DENND2B: variants seen among roughly 807,000 people sequenced by gnomAD.
The protein encoded by DENND2B is DENN domain-containing protein 2B.
Under a neutral mutation model 116.0 loss-of-function variants are expected in DENND2B, and 32 were observed. The ratio of observed to expected loss-of-function variants is 0.28; its 90% CI spans 0.21 to 0.37. DENND2B has a LOEUF of 0.37. Among genes scored for constraint, DENND2B ranks in the 10% least tolerant of loss-of-function variants. DENND2B has a pLI of 1.00. For synonymous variants in DENND2B, 588 were observed against 583.9 expected, an observed-to-expected ratio of 1.01 and a Z score of -0.10; for missense variants, 1,276 against 1,477.7, an observed-to-expected ratio of 0.86 and a Z score of 2.24.
At chr11:8,896,382 G>A (rs555491100) in intron 1 of DENND2B, among the ~76,000 whole-genome samples, 4 of 152,256 alleles carry the variant, frequency 2.6e-5, no homozygotes, top group African/African-American at 9.6e-5. Flanking sequence ...ATATAAAATT[G>A]GAAGGGAACA....
chr11:8,722,129 C>A (rs374909093), intron 4 of DENND2B, among the ~76,000 whole-genome samples: 1 of 152,234 alleles, frequency 6.6e-6, no homozygotes, highest in Non-Finnish European at 1.5e-5. Flanking sequence ...TTTCCGAACT[C>A]CTTTTCTGCA....
intron 3 of DENND2B, among the ~76,000 whole-genome samples, chr11:8,727,964 AACACACACACACACACAC>A (rs55688240): frequency 0.29 from 39,547 of 138,592 alleles, 6,530 homozygotes; most frequent in East Asian, 0.36. Context: ...ATTTTACACA[AACACACACACACACACAC>A]ACACACACAC....
rs185554715 is a variant in DENND2B, at chr11:8,847,092, A to C, written c.-155-7742T>G. ...TTCATAGTCTTTGGCTTAGGGCTTC[A>C]CACTTGCTAACCACTCAGTGAAACT... On this transcript the variant is annotated intron_variant, in intron 3 of 6. Coordinates refer to the DENND2B transcript ENST00000524757. Among the ~76,000 whole-genome samples, 22 of 152,334 alleles carry C rather than the reference A, an allele frequency of 1.4e-4. 1 individual carries two copies. In the East Asian group the frequency reaches 3.9e-3, roughly 27 times the overall value.
intron 2 of DENND2B, among the ~76,000 whole-genome samples, chr11:8,862,499 T>C (rs1413535530): frequency 2.0e-5 from 3 of 151,698 alleles, no homozygotes; most frequent in African/African-American, 4.8e-5. Flanking sequence ...TGTGCCTGGC[T>C]AATTTTTCTA....
At chr11:8,773,165 T>G (rs2057176028) in intron 1 of DENND2B, among the ~76,000 whole-genome samples, 1 of 151,948 alleles carries the variant, frequency 6.6e-6, no homozygotes, top group African/African-American at 2.4e-5. Flanking sequence ...CCAAGAAGAC[T>G]GCAGACCCCT....
chr11:8,804,961 G>T lies in DENND2B; in HGVS notation c.-26+5556C>A, dbSNP rs188503779. On this transcript the variant is annotated intron_variant, in intron 1 of 19. Transcript: ENST00000313726. ...GCTGTAAGTTGATAATAATATACTGGAAAGCATTGGACATTTACTATGTAC... is the reference window on the plus strand; with the variant it reads ...GCTGTAAGTTGATAATAATATACTGTAAAGCATTGGACATTTACTATGTAC... Among the ~76,000 whole-genome samples, 38 of 152,258 alleles carry T rather than the reference G, an allele frequency of 2.5e-4. No individual in the cohort carries two copies. The East Asian group carries it at 6.9e-3, about 28-fold the overall frequency.
intron 2 of DENND2B, among the ~76,000 whole-genome samples, chr11:8,739,621 G>A (rs2049827907): frequency 6.6e-6 from 1 of 152,268 alleles, no homozygotes; most frequent in African/African-American, 2.4e-5. Context: ...GTAGAACTGG[G>A]CACTTGTGCC....
chr11:8,708,991 A>G (rs1450971608), intron 11 of DENND2B, among the ~76,000 whole-genome samples: 2 of 150,314 alleles, frequency 1.3e-5, no homozygotes, highest in African/African-American at 4.9e-5. Flanking sequence ...AAGGGGAGAC[A>G]TGCACTGAGA....
intron 17 of DENND2B, 135 bp from the exon 18 acceptor site, chr11:8,696,801 G>A (rs542544868): frequency 1.4e-6 from 2 of 1,385,746 alleles, no homozygotes; most frequent in African/African-American, 2.9e-5. Context: ...AGCTCTTTTT[G>A]AGACCGAGTT....
At position 8,702,880 on chromosome 11, in the gene DENND2B, G is replaced by A. The variant is rs2045382257; in HGVS notation, c.2572-160C>T. On this transcript the variant is annotated intron_variant, in intron 13 of 19. Transcript: ENST00000313726. This position sits in a 1 kb window ranked among gnomAD's most constrained non-coding sequence, Gnocchi z 4.6. ...AGTAAACCCCTCTTCTCCATCCCTC[G>A]GACTACAGCTCTGCTCTCGTAGCAC... The A allele has an allele frequency of 2.3e-6, 2 of 860,226 alleles. No homozygotes were observed. The highest frequency in any genetic ancestry group is 3.5e-6 in the Non-Finnish European group (2 of 573,676). 53.3% of individuals were successfully genotyped at this position (860,226 alleles called of 1,614,324 possible).
At chr11:8,721,745 T>G (rs2046231966) in intron 4 of DENND2B, among the ~76,000 whole-genome samples, 1 of 152,316 alleles carries the variant, frequency 6.6e-6, no homozygotes, top group African/African-American at 2.4e-5. Context: ...TCCATCCCAG[T>G]GGGTGCCCTC....
At chr11:8,897,102 TAA>T (rs397732070) in intron 1 of DENND2B, among the ~76,000 whole-genome samples, 1 of 150,336 alleles carries the variant, frequency 6.7e-6, no homozygotes, top group Non-Finnish European at 1.5e-5. Context: ...TTTTTTTTTT[TAA>T]AAACTAGCCA....
chr11:8,757,025 G>A (rs1211322380), intron 1 of DENND2B: 1 of 456,282 alleles, frequency 2.2e-6, no homozygotes, highest in Non-Finnish European at 4.4e-6. Flanking sequence ...ACAATCCAGA[G>A]AAAGGAATAG....
chr11:8,694,494 A>G (rs1381350089), intron 19 of DENND2B: 1 of 466,740 alleles, frequency 2.1e-6, no homozygotes, highest in African/African-American at 2.0e-5. Flanking sequence ...AGGAAAGCTC[A>G]CTGGCTCTAA....
chr11:8,889,684 G>A lies in DENND2B; in HGVS notation c.-255-8575C>T, dbSNP rs1197870384. On this transcript the variant is annotated intron_variant, in intron 1 of 22. Transcript: ENST00000534127. The stretch of plus-strand genomic sequence containing the variant: ...TGAGATCAAACTGCAAGGTGGCAGC[G>A]AGGCTCAGGGAGGGGCACCTGCCAT... Among the ~76,000 whole-genome samples the A allele has an allele frequency of 5.3e-5, 8 of 152,204 alleles. No homozygotes were observed. The South Asian group carries it at 1.0e-3, about 20-fold the overall frequency.
At chr11:8,873,563 A>G (rs2063814084), upstream of DENND2B, among the ~76,000 whole-genome samples, 2 of 152,234 alleles carry the variant, frequency 1.3e-5, no homozygotes, top group Admixed American at 1.3e-4. Flanking sequence ...GACATCAGAA[A>G]TGGTGTTAAT....
intron 2 of DENND2B, among the ~76,000 whole-genome samples, chr11:8,749,318 A>G (rs1303936130): frequency 6.6e-6 from 1 of 152,204 alleles, no homozygotes; most frequent in African/African-American, 2.4e-5. Context: ...CACTCAGTAC[A>G]GGGAAGCTGG....
chr11:8,755,599 G>T (rs1015661490), intron 1 of DENND2B, among the ~76,000 whole-genome samples: 2 of 152,136 alleles, frequency 1.3e-5, no homozygotes, highest in Non-Finnish European at 2.9e-5. Flanking sequence ...CTGGAAAAAG[G>T]AAACCAACTC....
At chr11:8,751,802 C>T (rs971951860) in intron 1 of DENND2B, among the ~76,000 whole-genome samples, 1 of 152,120 alleles carries the variant, frequency 6.6e-6, no homozygotes, top group Admixed American at 6.5e-5. Context: ...TTAGAGTTTC[C>T]TTAAACTTCT....
Sources: gnomAD v4.1 joint callset for allele counts (sites outside exome capture counted in the v4.1 genomes callset) on GRCh38, gnomAD v4.1.1 for gene constraint, Gnocchi (gnomAD v3.1) non-coding constraint, MANE v1.5 for transcripts, NCBI Gene and HGNC (gene_info 2026-07-23, HGNC 2026-07-21) for gene names.